MIS18BP1: variants seen among roughly 807,000 people sequenced by gnomAD.
The protein encoded by MIS18BP1 is MIS18 binding protein 1.
MIS18BP1 carries 72 observed loss-of-function variants against 116.1 expected under a neutral mutation model. The ratio of observed to expected loss-of-function variants is 0.62; its 90% CI spans 0.51 to 0.75. The LOEUF is 0.75. MIS18BP1 is among the 30% of genes least tolerant of loss of function. The pLI, the probability that MIS18BP1 is intolerant of heterozygous loss-of-function variation, is 0.00. For synonymous variants in MIS18BP1, 386 were observed against 427.0 expected, an observed-to-expected ratio of 0.90 and a Z score of 1.18; for missense variants, 1,363 against 1,303.2, an observed-to-expected ratio of 1.05 and a Z score of -0.71.
rs17709895 is a variant in MIS18BP1, at chr14:45,251,849, T to C, written c.-92+1186A>G. On this transcript the variant is annotated intron_variant, in intron 1 of 16. Coordinates refer to ENST00000310806, the MANE Select transcript of MIS18BP1 (RefSeq NM_018353.5). ...AGTGAGATTTCTTTTTCATATCACA[T>C]TGGTAAATATTAATTTCAAAATGCA... 1.7e-3 allele frequency among the ~76,000 whole-genome samples: 264 copies of C among 152,364 alleles called. 2 individuals carry two copies. Among genetic ancestry groups the C allele is most frequent in the African/African-American group, 6.2e-3 (259 of 41,584 alleles).
chr14:45,215,293 G>A, intron 13 of MIS18BP1, among the ~76,000 whole-genome samples: 1 of 152,078 alleles, frequency 6.6e-6, no homozygotes, highest in Non-Finnish European at 1.5e-5. Context: ...TTAAATTGAA[G>A]ATAATTTTAT....
At chr14:45,234,563 C>T (rs544728743) in intron 6 of MIS18BP1, among the ~76,000 whole-genome samples, 62 of 152,276 alleles carry the variant, frequency 4.1e-4, no homozygotes, top group Admixed American at 9.2e-4. Flanking sequence ...CTCTCCCCTA[C>T]TTTGCCCATC....
At chr14:45,244,752 T>C (rs76847541) in intron 2 of MIS18BP1, among the ~76,000 whole-genome samples, 1 of 152,336 alleles carries the variant, frequency 6.6e-6, no homozygotes, top group Non-Finnish European at 1.5e-5. Flanking sequence ...CAATACCTGT[T>C]TTCCATATTG....
At chr14:45,214,525 G>A (rs1184619517) in intron 13 of MIS18BP1, among the ~76,000 whole-genome samples, 3 of 152,074 alleles carry the variant, frequency 2.0e-5, no homozygotes, top group Non-Finnish European at 4.4e-5. Context: ...CAGAGACCAG[G>A]GGCGCCGCCC....
intron 2 of MIS18BP1, among the ~76,000 whole-genome samples, chr14:45,244,294 A>G (rs1209820299): frequency 2.6e-5 from 4 of 152,224 alleles, no homozygotes; most frequent in African/African-American, 9.6e-5. Context: ...ATTAAAAGAG[A>G]TAATACATGT....
chr14:45,227,695 G>A lies in MIS18BP1; in HGVS notation c.1714C>T (p.Gln572Ter), dbSNP rs757805886. Residue 572 changes from glutamine (Q) to a stop codon, truncating the protein, a stop_gained, in exon 9 of 17, where the codon CAA becomes TAA. Transcript: ENST00000310806. LOFTEE classifies it high-confidence loss of function. The stretch of plus-strand genomic sequence containing the variant: ...GATAAGTCATCTCCTCCTCCATTTT[G>A]AATAGTATTATTTACTTGGTCATCT... ...FPDDQVNNTI[Q>*]NGGGDDLSNQ... 6 of 1,613,446 alleles carry A rather than the reference G, an allele frequency of 3.7e-6. No homozygotes were observed. Among genetic ancestry groups the A allele is most frequent in the Non-Finnish European group, 8.5e-7 (1 of 1,179,542 alleles).
intron 11 of MIS18BP1, among the ~76,000 whole-genome samples, chr14:45,223,471 G>C (rs111439753): frequency 2.0e-5 from 3 of 152,330 alleles, no homozygotes; most frequent in African/African-American, 7.2e-5. Flanking sequence ...CAGCTACTCA[G>C]GAGGCTGAGG....
chr14:45,250,960 C>T (rs541002483), intron 1 of MIS18BP1, among the ~76,000 whole-genome samples: 1 of 151,052 alleles, frequency 6.6e-6, no homozygotes, highest in South Asian at 2.1e-4. Flanking sequence ...TGGAGTGAAC[C>T]CGGGAGGCGG....
intron 8 of MIS18BP1, among the ~76,000 whole-genome samples, chr14:45,229,566 T>C (rs989846358): frequency 5.9e-5 from 9 of 152,174 alleles, no homozygotes; most frequent in African/African-American, 1.9e-4. Flanking sequence ...TAAAATAGTT[T>C]ACCAAACTTT....
chr14:45,227,905 G>GA, intron 8 of MIS18BP1, 91 bp from the exon 9 acceptor site: 2 of 1,310,830 alleles, frequency 1.5e-6, no homozygotes, highest in Non-Finnish European at 1.1e-6. Context: ...CGCTAGGTGT[G>GA]GTGGCTCACG....
chr14:45,242,049 T>C lies in MIS18BP1; in HGVS notation c.1128A>G (p.Gly376=), dbSNP rs748974752. The C allele has an allele frequency of 1.2e-6, 2 of 1,600,562 alleles. No individual in the cohort carries two copies. The highest frequency in any genetic ancestry group is 3.5e-5 in the Admixed American group (2 of 57,642). ...PPRIFQTVTN[G]LKKNQVVQLQ... Reference sequence around the variant, plus strand: ...GTTTTCCCACCTGATTTTTTTTAAGTCCATTTGTAACAGTTTGAAATATTC... The same window carrying C: ...GTTTTCCCACCTGATTTTTTTTAAGCCCATTTGTAACAGTTTGAAATATTC... Residue 376 remains glycine, a synonymous_variant, in exon 4 of 17, where the codon GGA becomes GGG. Transcript: ENST00000310806.
At chr14:45,232,003 G>C (rs1415347380) in intron 7 of MIS18BP1, among the ~76,000 whole-genome samples, 1 of 152,146 alleles carries the variant, frequency 6.6e-6, no homozygotes, top group Admixed American at 6.5e-5. Context: ...TAAATGATTA[G>C]AATTACTCTT....
intron 7 of MIS18BP1, among the ~76,000 whole-genome samples, chr14:45,232,062 C>T (rs1186594029): frequency 6.6e-6 from 1 of 152,254 alleles, no homozygotes; most frequent in Admixed American, 6.5e-5. Flanking sequence ...CTAAATACAA[C>T]AGAAGTTCTA....
intron 1 of MIS18BP1, among the ~76,000 whole-genome samples, chr14:45,249,801 G>A (rs892802110): frequency 7.2e-5 from 11 of 152,118 alleles, no homozygotes; most frequent in African/African-American, 1.9e-4. Context: ...AACCTGGGAG[G>A]CGGAGGTTGC....
rs1278874808 is a variant in MIS18BP1 at position 45,242,198 on chromosome 14, G to A, written c.979C>T (p.Pro327Ser). The change falls in exon 4 of 17, where the codon CCT becomes TCT. Residue 327 changes from proline (P) to serine (S), a missense_variant. By Grantham distance (74) the Pro-to-Ser change is moderately conservative. Coordinates refer to ENST00000310806, the MANE Select transcript of MIS18BP1 (RefSeq NM_018353.5). ...GAACCTGGAAGACCTGTCTCTCCAGGCACTGTTTTTCCATTTCCTTCCTTA... is the reference window on the plus strand; with the variant it reads ...GAACCTGGAAGACCTGTCTCTCCAGACACTGTTTTTCCATTTCCTTCCTTA... Reference protein sequence around the residue: ...KVKEGNGKTVPGETGLPGSMK... With the variant: ...KVKEGNGKTVSGETGLPGSMK... 1 of 1,614,000 alleles carries A rather than the reference G, an allele frequency of 6.2e-7. No individual in the cohort carries two copies. Among genetic ancestry groups the A allele is most frequent in the Non-Finnish European group, 8.5e-7 (1 of 1,179,982 alleles).
At chr14:45,239,915 A>C (rs905160948) in intron 4 of MIS18BP1, among the ~76,000 whole-genome samples, 1 of 152,170 alleles carries the variant, frequency 6.6e-6, no homozygotes, top group Non-Finnish European at 1.5e-5. Flanking sequence ...AATTTTGCCT[A>C]AATACTGGGG....
intron 11 of MIS18BP1, 120 bp downstream of exon 11, chr14:45,223,798 T>G (rs980167637): frequency 1.4e-5 from 10 of 738,674 alleles, no homozygotes; most frequent in African/African-American, 5.4e-5. Context: ...CTGTGCAAAT[T>G]ATAATTTCTC....
intron 13 of MIS18BP1, among the ~76,000 whole-genome samples, chr14:45,211,768 GCTCATGGCTAGCTGA>G (rs1890679973): frequency 6.6e-6 from 1 of 152,248 alleles, no homozygotes; most frequent in Non-Finnish European, 1.5e-5. Context: ...AGTGCCAGCT[GCTCATGGCTAGCTGA>G]CCCTGTAGTA....
At chr14:45,209,424 C>G (rs1188645087) in intron 14 of MIS18BP1, among the ~76,000 whole-genome samples, 1 of 152,002 alleles carries the variant, frequency 6.6e-6, no homozygotes, top group African/African-American at 2.4e-5. Flanking sequence ...ACCTCTGGGA[C>G]TCAAGCAATC....
Sources: allele counts gnomAD v4.1 joint callset (sites outside exome capture counted in the v4.1 genomes callset), GRCh38; gene constraint gnomAD v4.1.1; transcripts MANE v1.5; gene names NCBI Gene and HGNC (gene_info 2026-07-23, HGNC 2026-07-21).